The following CDH13 variants were observed in gnomAD, a reference collection of about 807,000 sequenced individuals.
CDH13 encodes the protein cadherin 13.
CDH13 carries 24 observed loss-of-function variants against 63.8 expected under a neutral mutation model. The ratio of observed to expected loss-of-function variants is 0.38; its 90% CI spans 0.27 to 0.53. The LOEUF is 0.53. CDH13 is among the 20% of genes least tolerant of loss of function. The pLI is 0.85. For missense variants in CDH13, 1,049 were observed against 903.1 expected, an observed-to-expected ratio of 1.16 and a Z score of -2.07; for synonymous variants, 503 against 355.3, an observed-to-expected ratio of 1.42 and a Z score of -4.67.
intron 1 of CDH13, among the ~76,000 whole-genome samples, chr16:82,832,082 A>T (rs776595828): frequency 4.6e-5 from 7 of 152,240 alleles, no homozygotes; most frequent in Non-Finnish European, 1.0e-4. Context: ...CCCTTATCTT[A>T]TAATTACCTC....
intron 10 of CDH13, among the ~76,000 whole-genome samples, chr16:83,740,913 G>T (rs920622100): frequency 6.6e-6 from 1 of 152,218 alleles, no homozygotes; most frequent in Admixed American, 6.5e-5. Flanking sequence ...TTAAAGAAAG[G>T]CCAGTGAGTC....
intron 1 of CDH13, among the ~76,000 whole-genome samples, chr16:82,793,076 A>T (rs576137708): frequency 6.6e-6 from 1 of 152,358 alleles, no homozygotes; most frequent in East Asian, 1.9e-4. Flanking sequence ...GCTAAGTTAA[A>T]TGCAGCCCTC....
At chr16:83,730,058 A>T (rs373983230) in intron 10 of CDH13, among the ~76,000 whole-genome samples, 1 of 152,208 alleles carries the variant, frequency 6.6e-6, no homozygotes, top group Non-Finnish European at 1.5e-5. Context: ...TTTACTTCGT[A>T]TGTGTTGTCA....
At chr16:82,714,786 T>A (rs2032239302) in intron 1 of CDH13, among the ~76,000 whole-genome samples, 2 of 132,446 alleles carry the variant, frequency 1.5e-5, no homozygotes, top group Non-Finnish European at 1.6e-5. Flanking sequence ...AGGCAAAAAC[T>A]GGGGTGACGC....
intron 2 of CDH13, among the ~76,000 whole-genome samples, chr16:82,973,348 A>G (rs189833771): frequency 7.8e-4 from 119 of 152,312 alleles, no homozygotes; most frequent in African/African-American, 2.7e-3. Context: ...TTTCTGTTCC[A>G]AACATAGCTT....
chr16:82,774,460 T>C (rs12926585), intron 1 of CDH13, among the ~76,000 whole-genome samples: 117,826 of 152,088 alleles, frequency 0.77, 47,392 homozygotes, highest in East Asian at 1. Context: ...ATACATAACA[T>C]AGAGGAAGCA....
chr16:83,231,073 CCTGGTGCTAGGATCGGAA>C (rs368832889), intron 5 of CDH13, among the ~76,000 whole-genome samples: 69 of 152,304 alleles, frequency 4.5e-4, no homozygotes, highest in African/African-American at 1.6e-3. Flanking sequence ...CAGAGCAAGA[CCTGGTGCTAGGATCGGAA>C]CAGGGAAGAC....
In CDH13 at chr16:82,877,924, GACACAC is replaced by G. The variant is rs1213536997; in HGVS notation, c.157+19483_157+19488del. 4.3e-3 allele frequency among the ~76,000 whole-genome samples: 554 copies of G among 129,362 alleles called. 3 individuals carry two copies. Among genetic ancestry groups the G allele is most frequent in the African/African-American group, 0.012 (429 of 35,418 alleles). 84.9% of individuals were successfully genotyped at this position (129,362 alleles called of 152,430 possible). A position where few individuals can be genotyped will look rare whatever the true frequency, so the allele number is the denominator to read the frequency against. ...AGGTGGAAATACATACATACACATA[GACACAC>G]ACACACACACACACACACACACACA... On this transcript the variant is annotated intron_variant, in intron 2 of 13. Transcript: ENST00000567109.
chr16:82,710,014 G>T (rs1308983200), intron 1 of CDH13, among the ~76,000 whole-genome samples: 1 of 151,162 alleles, frequency 6.6e-6, no homozygotes, highest in African/African-American at 2.4e-5. Context: ...GGTTAGGATG[G>T]GCTGACAAAG....
chr16:82,903,156 G>C (rs930449636), intron 2 of CDH13, among the ~76,000 whole-genome samples: 6 of 152,372 alleles, frequency 3.9e-5, no homozygotes, highest in African/African-American at 1.4e-4. Flanking sequence ...TCTGCCTGTT[G>C]ACTTATTCAT....
intron 1 of CDH13, among the ~76,000 whole-genome samples, chr16:82,698,941 T>C (rs1396654718): frequency 6.6e-6 from 1 of 152,180 alleles, no homozygotes; most frequent in Non-Finnish European, 1.5e-5. Context: ...TTAATAATCC[T>C]TTAAAAATGT....
chr16:82,860,847 C>G (rs1161660017), intron 2 of CDH13, among the ~76,000 whole-genome samples: 2 of 152,148 alleles, frequency 1.3e-5, no homozygotes, highest in African/African-American at 4.8e-5. Flanking sequence ...TTGCTTTATT[C>G]CACTTGCAAG....
At chr16:82,693,645 C>T (rs1376776222) in intron 1 of CDH13, among the ~76,000 whole-genome samples, 1 of 152,228 alleles carries the variant, frequency 6.6e-6, no homozygotes, top group East Asian at 1.9e-4. Context: ...TGATAAGTTG[C>T]TGTCAGTGAA....
intron 10 of CDH13, among the ~76,000 whole-genome samples, chr16:83,746,981 T>C (rs958973229): frequency 1.3e-5 from 2 of 152,242 alleles, no homozygotes; most frequent in African/African-American, 4.8e-5. Context: ...TCAGGTTCTC[T>C]ATAATATTGT....
intron 4 of CDH13, among the ~76,000 whole-genome samples, chr16:83,161,562 T>C (rs2037443547): frequency 6.6e-6 from 1 of 152,066 alleles, no homozygotes; most frequent in Non-Finnish European, 1.5e-5. Context: ...AATTAAGCAT[T>C]ATGTCTTTTT....
chr16:82,797,215 A>G (rs13335954), intron 1 of CDH13, among the ~76,000 whole-genome samples: 299 of 152,308 alleles, frequency 2.0e-3, no homozygotes, highest in African/African-American at 7.1e-3. Flanking sequence ...GCTTCTGAAT[A>G]CGGTTTGCTG....
chr16:82,646,336 C>G (rs1167823364), intron 1 of CDH13: 1 of 152,190 alleles, frequency 6.6e-6, no homozygotes, highest in Non-Finnish European at 1.5e-5. Flanking sequence ...ATTGCAGGTG[C>G]CTGCCATCAG....
At chr16:82,968,700 C>T (rs1366860049) in intron 2 of CDH13, among the ~76,000 whole-genome samples, 1 of 152,174 alleles carries the variant, frequency 6.6e-6, no homozygotes. Context: ...CTTGGCAGCT[C>T]TAGAAGCCCT....
At chr16:83,090,229 G>T (rs145217835) in intron 3 of CDH13, among the ~76,000 whole-genome samples, 1 of 152,028 alleles carries the variant, frequency 6.6e-6, no homozygotes. Context: ...CCAGTCTACA[G>T]CATGTTCCCT....
Sources: gnomAD v4.1 joint callset for allele counts (sites outside exome capture counted in the v4.1 genomes callset) on GRCh38, gnomAD v4.1.1 for gene constraint, MANE v1.5 for transcripts, NCBI Gene and HGNC (gene_info 2026-07-23, HGNC 2026-07-21) for gene names.